The following FAT3 variants were observed in gnomAD, a reference collection of about 807,000 sequenced individuals.
FAT3 encodes protocadherin Fat 3.
In FAT3, 95 loss-of-function variants were observed where a neutral mutation model predicts 310.2. The ratio of observed to expected loss-of-function variants is 0.31; its 90% confidence interval spans 0.26 to 0.36. FAT3 has a LOEUF of 0.36. Ranked by LOEUF, FAT3 falls within the 10% of genes least tolerant of loss-of-function variation. FAT3 has a pLI of 1.00. For synonymous variants in FAT3, 2,314 were observed against 2,192.9 expected, an observed-to-expected ratio of 1.06 and a Z score of -1.54; for missense variants, 5,408 against 5,715.6, an observed-to-expected ratio of 0.95 and a Z score of 1.74.
At chr11:92,763,845 A>T (rs575869040) in intron 5 of FAT3, among the ~76,000 whole-genome samples, 1 of 152,134 alleles carries the variant, frequency 6.6e-6, no homozygotes, top group Non-Finnish European at 1.5e-5. Context: ...TCCTGGGGGA[A>T]CCTGGCTTAA....
intron 3 of FAT3, among the ~76,000 whole-genome samples, chr11:92,680,392 A>G (rs1467809053): frequency 6.6e-6 from 1 of 152,198 alleles, no homozygotes; most frequent in East Asian, 1.9e-4. Context: ...TGTTCTTGTC[A>G]ACTTTGTCAA....
chr11:92,629,004 G>A (rs1298240693), intron 3 of FAT3, among the ~76,000 whole-genome samples: 1 of 152,206 alleles, frequency 6.6e-6, no homozygotes, highest in African/African-American at 2.4e-5. Context: ...TCATAATGTG[G>A]TAGAACTTAT....
At chr11:92,746,877 C>T (rs962825984) in intron 4 of FAT3, among the ~76,000 whole-genome samples, 6 of 152,234 alleles carry the variant, frequency 3.9e-5, no homozygotes, top group African/African-American at 1.4e-4. Flanking sequence ...ACATCCAGGT[C>T]ATGCTGATAC....
At chr11:92,680,338 C>T (rs1349447850) in intron 3 of FAT3, among the ~76,000 whole-genome samples, 1 of 152,102 alleles carries the variant, frequency 6.6e-6, no homozygotes, top group Admixed American at 6.5e-5. Context: ...TCCAATTTTC[C>T]CAACACCATT....
At chr11:92,858,866 G>A (rs1424997708) in intron 20 of FAT3, among the ~76,000 whole-genome samples, 2 of 152,136 alleles carry the variant, frequency 1.3e-5, no homozygotes, top group African/African-American at 4.8e-5. Context: ...AGTGGGAGTT[G>A]GAAATTTAGT....
intron 2 of FAT3, among the ~76,000 whole-genome samples, chr11:92,481,539 C>A (rs1302951277): frequency 7.9e-5 from 12 of 152,124 alleles, no homozygotes; most frequent in African/African-American, 2.9e-4. Flanking sequence ...TGGATTTATT[C>A]TCTTGGTATT....
intron 2 of FAT3, among the ~76,000 whole-genome samples, chr11:92,524,121 C>G (rs1309402546): frequency 1.3e-5 from 2 of 152,160 alleles, no homozygotes; most frequent in Non-Finnish European, 2.9e-5. Context: ...ATATTTTCCA[C>G]TCTAACAGGC....
chr11:92,532,424 C>A (rs1247640136), intron 3 of FAT3, among the ~76,000 whole-genome samples: 1 of 152,020 alleles, frequency 6.6e-6, no homozygotes, highest in African/African-American at 2.4e-5. Context: ...GTATGTTTTT[C>A]TATTGTTAAC....
chr11:92,602,264 T>G (rs1940066535), intron 3 of FAT3, among the ~76,000 whole-genome samples: 1 of 151,832 alleles, frequency 6.6e-6, no homozygotes, highest in Admixed American at 6.6e-5. Context: ...AGTAGAAGGT[T>G]TAGGGTTTTC....
At position 92,886,354 on chromosome 11, in the gene FAT3, C is replaced by T. The variant is rs147241244; in HGVS notation, c.12938-646C>T. Among the ~76,000 whole-genome samples, 911 of 134,948 alleles carry T rather than the reference C, an allele frequency of 6.8e-3. 14 individuals carry two copies. Among genetic ancestry groups the T allele is most frequent in the African/African-American group, 0.022 (843 of 38,212 alleles). The allele number at this position is 134,948 out of a possible 152,430, so 88.5% of individuals were successfully genotyped here. A position where few individuals can be genotyped will look rare whatever the true frequency, so the allele number is the denominator to read the frequency against. ...GTGTGTGTGTGTGTGTGTGTGTGCA[C>T]GCATGTGCATCTGTGTGTTTCTGAC... On this transcript the variant is annotated intron_variant, in intron 24 of 27. Coordinates refer to ENST00000525166, the MANE Select transcript of FAT3 (RefSeq NM_001367949.2).
chr11:92,463,875 A>C (rs1339763986), intron 2 of FAT3, among the ~76,000 whole-genome samples: 1 of 151,976 alleles, frequency 6.6e-6, no homozygotes, highest in Non-Finnish European at 1.5e-5. Context: ...TGTTTTACCT[A>C]TTTTTCCTGA....
At chr11:92,366,399 A>G in intron 2 of FAT3, 1 of 289,468 alleles carries the variant, frequency 3.5e-6, no homozygotes, top group South Asian at 3.4e-5. Flanking sequence ...AGATGCTTAC[A>G]GATGTGGTCA....
At chr11:92,812,477 G>A (rs1447794163) in intron 13 of FAT3, among the ~76,000 whole-genome samples, 1 of 151,878 alleles carries the variant, frequency 6.6e-6, no homozygotes, top group African/African-American at 2.4e-5. Context: ...AGCTACTCGG[G>A]AAGCTGAGGC....
In FAT3 at chr11:92,882,960, G is replaced by A. The variant is rs1382204927; in HGVS notation, c.12504G>A (p.Leu4168=). 2 of 1,613,704 alleles carry A rather than the reference G, an allele frequency of 1.2e-6. No individual in the cohort carries two copies. Among genetic ancestry groups the A allele is most frequent in the African/African-American group, 1.3e-5 (1 of 74,942 alleles). ...TGGTCCTCTTCGTCATCTTCATCCT[G>A]GTGGTTCTCTTCATAGTCTTCCGCA... ...IAVVLFVIFI[L]VVLFIVFRKK... The change falls in exon 24 of 28, where the codon CTG becomes CTA. Residue 4168 remains leucine (L), a synonymous_variant. Coordinates refer to ENST00000525166, the MANE Select transcript of FAT3 (RefSeq NM_001367949.2).
chr11:92,351,832 C>T (rs1038492285), intron 1 of FAT3, among the ~76,000 whole-genome samples: 9 of 152,116 alleles, frequency 5.9e-5, no homozygotes, highest in Admixed American at 3.9e-4. Flanking sequence ...CAATGAACAA[C>T]GCTGTCAGTA....
chr11:92,689,687 T>C (rs1031873702), intron 3 of FAT3, among the ~76,000 whole-genome samples: 6 of 152,100 alleles, frequency 3.9e-5, no homozygotes, highest in African/African-American at 1.2e-4. Flanking sequence ...CCAGGTATTC[T>C]GGTAAAATTA....
chr11:92,260,525 C>T (rs748501366), intron 1 of FAT3, among the ~76,000 whole-genome samples: 7 of 152,004 alleles, frequency 4.6e-5, no homozygotes, highest in Non-Finnish European at 8.8e-5. Flanking sequence ...TAAACTCCCA[C>T]TTTTAATAGT....
intron 3 of FAT3, among the ~76,000 whole-genome samples, chr11:92,619,052 G>T (rs774374070): frequency 2.2e-4 from 34 of 152,068 alleles, no homozygotes; most frequent in Non-Finnish European, 4.6e-4. Context: ...ATCCTGAAAG[G>T]GTTGTTAGAT....
intron 3 of FAT3, among the ~76,000 whole-genome samples, chr11:92,588,716 G>A (rs775561697): frequency 6.7e-6 from 1 of 148,298 alleles, no homozygotes; most frequent in African/African-American, 2.6e-5. Context: ...ATGGGTTTGG[G>A]TGGAGAGAAG....
Sources: allele counts gnomAD v4.1 joint callset (sites outside exome capture counted in the v4.1 genomes callset), GRCh38; gene constraint gnomAD v4.1.1; transcripts MANE v1.5; gene names NCBI Gene and HGNC (gene_info 2026-07-23, HGNC 2026-07-21).